PIK3C2G: variants seen among roughly 807,000 people sequenced by gnomAD.
PIK3C2G encodes phosphatidylinositol-4-phosphate 3-kinase catalytic subunit type 2 gamma, also known as phosphatidylinositol 3-kinase C2 domain-containing subunit gamma.
A neutral mutation model predicts 181.1 loss-of-function variants in PIK3C2G; 168 were observed. That is an observed-to-expected ratio of 0.93 (90% confidence interval 0.82 to 1.05). The LOEUF is 1.05. Ranked by LOEUF, PIK3C2G falls within the 50% of genes least tolerant of loss-of-function variation. The pLI is 0.00. For synonymous variants in PIK3C2G, 573 were observed against 592.2 expected (o/e 0.97, Z 0.47); for missense variants, 1,869 against 1,732.8 (o/e 1.08, Z -1.40).
At chr12:18,581,891 T>C (rs2136427449) in intron 29 of PIK3C2G, among the ~76,000 whole-genome samples, 1 of 152,152 alleles carries the variant, frequency 6.6e-6, no homozygotes, top group South Asian at 2.1e-4. Context: ...CTTGAAGAGA[T>C]ACAGGAGAAT....
intron 18 of PIK3C2G, among the ~76,000 whole-genome samples, chr12:18,474,693 T>A (rs1402923897): frequency 6.6e-6 from 1 of 152,118 alleles, no homozygotes; most frequent in Non-Finnish European, 1.5e-5. Context: ...TTATTGAGTT[T>A]GTCCAACATA....
At chr12:18,323,121 C>A (rs769834699) in intron 7 of PIK3C2G, among the ~76,000 whole-genome samples, 5 of 152,148 alleles carry the variant, frequency 3.3e-5, no homozygotes, top group Admixed American at 1.3e-4. Flanking sequence ...GGCTTTCATT[C>A]TGTTCTTGTC....
At chr12:18,594,666 C>A (rs1947261450) in intron 30 of PIK3C2G, 97 bp downstream of exon 30, 3 of 604,222 alleles carry the variant, frequency 5.0e-6, no homozygotes, top group Non-Finnish European at 8.3e-6. Context: ...CAATTAAAAT[C>A]TCTTTTTAAG....
At chr12:18,662,773 A>G in the PIK3C2G span, among the ~76,000 whole-genome samples, 2 of 152,142 alleles carry the variant, frequency 1.3e-5, no homozygotes, top group African/African-American at 4.8e-5. Flanking sequence ...AGCTGTTATA[A>G]AATCAAATTA....
rs534842897 is a variant in PIK3C2G, at chr12:18,618,501, C to T, written c.4182+8872C>T. 1.8e-4 allele frequency among the ~76,000 whole-genome samples: 28 copies of T among 152,292 alleles called. No homozygotes were observed. The South Asian group carries it at 5.2e-3, about 28-fold the overall frequency. Reference sequence around the variant, plus strand: ...TTGATTGCCTACTTTAAAATGTCAACTTTCTCCAGAAGATTAAACAGCACA... The same window carrying T: ...TTGATTGCCTACTTTAAAATGTCAATTTTCTCCAGAAGATTAAACAGCACA... On this transcript the variant is annotated intron_variant, in intron 31 of 32. Coordinates refer to ENST00000538779, the MANE Select transcript of PIK3C2G (RefSeq NM_001288772.2).
chr12:18,524,254 A>T (rs1181986527), intron 24 of PIK3C2G, among the ~76,000 whole-genome samples: 1 of 152,178 alleles, frequency 6.6e-6, no homozygotes, highest in Admixed American at 6.5e-5. Context: ...TCTGTGGATG[A>T]TGCTGTGCTA....
intron 29 of PIK3C2G, among the ~76,000 whole-genome samples, chr12:18,569,576 A>G (rs1045834288): frequency 1.3e-5 from 2 of 152,170 alleles, no homozygotes; most frequent in African/African-American, 2.4e-5. Context: ...ATTACAAACC[A>G]TACTGTTATG....
At chr12:18,520,561 C>T (rs1942844573) in intron 24 of PIK3C2G, among the ~76,000 whole-genome samples, 1 of 152,110 alleles carries the variant, frequency 6.6e-6, no homozygotes, top group African/African-American at 2.4e-5. Flanking sequence ...TTTTCAGCTC[C>T]ATTAGGTCAT....
chr12:18,312,347 T>C (rs1950674667), intron 5 of PIK3C2G, among the ~76,000 whole-genome samples: 1 of 152,158 alleles, frequency 6.6e-6, no homozygotes. Flanking sequence ...GAGGCTGAAG[T>C]CATTGCACTG....
At chr12:18,277,851 C>G (rs1949049012) in intron 1 of PIK3C2G, among the ~76,000 whole-genome samples, 1 of 152,048 alleles carries the variant, frequency 6.6e-6, no homozygotes, top group African/African-American at 2.4e-5. Context: ...CTCTTTGAAG[C>G]CAGATAAGTA....
intron 16 of PIK3C2G, among the ~76,000 whole-genome samples, chr12:18,408,310 T>C (rs1462358404): frequency 6.6e-6 from 1 of 152,226 alleles, no homozygotes; most frequent in East Asian, 1.9e-4. Flanking sequence ...ACACCATTTA[T>C]TAAATAGGGA....
At position 18,569,913 on chromosome 12, in the gene PIK3C2G, G is replaced by A. The variant is rs116353796; in HGVS notation, c.4011+2856G>A. Among the ~76,000 whole-genome samples the A allele has an allele frequency of 9.1e-3, 1,376 of 151,942 alleles. 5 individuals carry two copies. The highest frequency in any genetic ancestry group is 0.019 in the African/African-American group (770 of 41,414). On this transcript the variant is annotated intron_variant, in intron 29 of 32. Coordinates refer to ENST00000538779, the MANE Select transcript of PIK3C2G (RefSeq NM_001288772.2). ...CATGTCTCTTTACCATTTTTCTATTGAATAATTTAATATTCATTTATTGAT... is the reference window on the plus strand; with the variant it reads ...CATGTCTCTTTACCATTTTTCTATTAAATAATTTAATATTCATTTATTGAT...
intron 18 of PIK3C2G, among the ~76,000 whole-genome samples, chr12:18,431,669 A>G (rs1360901603): frequency 3.3e-5 from 5 of 152,236 alleles, no homozygotes; most frequent in African/African-American, 4.8e-5. Context: ...CACACATGAT[A>G]CAGAATCCAT....
chr12:18,665,246 T>C, the PIK3C2G span, among the ~76,000 whole-genome samples: 1 of 151,998 alleles, frequency 6.6e-6, no homozygotes, highest in Non-Finnish European at 1.5e-5. Flanking sequence ...TGAGGAGTTA[T>C]TGTTTAAAGG....
chr12:18,552,919 TA>T (rs1944808903), intron 26 of PIK3C2G, among the ~76,000 whole-genome samples: 1 of 152,120 alleles, frequency 6.6e-6, no homozygotes, highest in African/African-American at 2.4e-5. Flanking sequence ...AAAGATATCG[TA>T]AACTCTTCAG....
chr12:18,437,564 T>C (rs1000586470), intron 18 of PIK3C2G, among the ~76,000 whole-genome samples: 12 of 152,094 alleles, frequency 7.9e-5, no homozygotes, highest in Middle Eastern at 3.4e-3. Context: ...GGTTTAGTTA[T>C]CTGAAGTTGT....
intron 32 of PIK3C2G, among the ~76,000 whole-genome samples, chr12:18,645,142 G>T (rs1434054551): frequency 6.6e-6 from 1 of 150,674 alleles, no homozygotes; most frequent in Non-Finnish European, 1.5e-5. Flanking sequence ...ATTTATTTTT[G>T]GTTCTGAGTA....
chr12:18,299,535 A>G (rs1413220916), intron 5 of PIK3C2G, among the ~76,000 whole-genome samples: 1 of 151,680 alleles, frequency 6.6e-6, no homozygotes, highest in Non-Finnish European at 1.5e-5. Context: ...CTTTTTATTT[A>G]TATATTTTGC....
At chr12:18,505,185 G>C (rs1941740150) in intron 23 of PIK3C2G, 107 bp from the exon 24 acceptor site, 2 of 943,078 alleles carry the variant, frequency 2.1e-6, no homozygotes, top group Non-Finnish European at 3.1e-6. Context: ...AATTTTTCCT[G>C]ATTATGTAAT....
Sources: gnomAD v4.1 joint callset for allele counts (sites outside exome capture counted in the v4.1 genomes callset) on GRCh38, gnomAD v4.1.1 for gene constraint, MANE v1.5 for transcripts, NCBI Gene and HGNC (gene_info 2026-07-23, HGNC 2026-07-21) for gene names.